MAST2: variants seen among roughly 807,000 people sequenced by gnomAD.
MAST2 encodes the protein microtubule-associated serine/threonine-protein kinase 2.
A neutral mutation model predicts 147.4 loss-of-function variants in MAST2; 70 were observed. The ratio of observed to expected loss-of-function variants is 0.47; its 90% CI spans 0.39 to 0.58. The LOEUF (loss-of-function observed/expected upper bound fraction) is 0.58. MAST2 is among the 20% of genes least tolerant of loss of function. The pLI is 0.00. For synonymous variants in MAST2, 869 were observed against 896.8 expected, an observed-to-expected ratio of 0.97 and a Z score of 0.55; for missense variants, 2,080 against 2,302.3, an observed-to-expected ratio of 0.90 and a Z score of 1.98.
intron 16 of MAST2, 80 bp from the exon 17 acceptor site, chr1:46,027,651 G>T: frequency 6.8e-7 from 1 of 1,479,560 alleles, no homozygotes; most frequent in Non-Finnish European, 9.2e-7. Context: ...AGCCTGAGTG[G>T]GGAAACTGGG....
chr1:45,956,286 TG>T (rs1307238873), intron 4 of MAST2, among the ~76,000 whole-genome samples: 5 of 152,192 alleles, frequency 3.3e-5, no homozygotes, highest in South Asian at 2.1e-4. Context: ...ACTTCAAACC[TG>T]CCAATCATTG....
chr1:45,811,726 C>T (rs184068294), intron 1 of MAST2, among the ~76,000 whole-genome samples: 58 of 150,250 alleles, frequency 3.9e-4, no homozygotes, highest in Non-Finnish European at 5.2e-4. Context: ...CTCTGCCTCC[C>T]GGGTTCCCGC....
intron 4 of MAST2, among the ~76,000 whole-genome samples, chr1:45,955,892 A>T (rs930290683): frequency 6.6e-6 from 1 of 152,162 alleles, no homozygotes; most frequent in African/African-American, 2.4e-5. Context: ...ACATTTTAAA[A>T]TTTTTGTATA....
chr1:45,844,665 A>G (rs376279480), intron 3 of MAST2, among the ~76,000 whole-genome samples: 2 of 152,052 alleles, frequency 1.3e-5, no homozygotes, highest in African/African-American at 2.4e-5. Context: ...GGCTCAAGCA[A>G]TCCTGCCTCA....
At position 46,023,048 on chromosome 1, in the gene MAST2, G is replaced by A. The variant is rs911814235; in HGVS notation, c.1485+77G>A. 4.9e-6 allele frequency: 7 copies of A among 1,420,646 alleles called. No individual in the cohort carries two copies. The highest frequency in any genetic ancestry group is 4.3e-5 in the African/African-American group (3 of 70,510). The allele number at this position is 1,420,646 out of a possible 1,614,324, so 88.0% of individuals were successfully genotyped here. A position where few individuals can be genotyped will look rare whatever the true frequency, so the allele number is the denominator to read the frequency against. Reference sequence around the variant, plus strand: ...AAAGAGCTATGAATTCTCTTTAAGAGAATATCTGAGGAAGGGATGGGGGAG... The same window carrying A: ...AAAGAGCTATGAATTCTCTTTAAGAAAATATCTGAGGAAGGGATGGGGGAG... On this transcript the variant is annotated intron_variant, in intron 13 of 28. Coordinates refer to ENST00000361297, the MANE Select transcript of MAST2 (RefSeq NM_015112.3). The surrounding 1 kb of genome is among the most constrained non-coding windows in gnomAD (Gnocchi z 4.9).
chr1:45,879,572 C>CAAAAAAAAAAAA (rs56115997), intron 3 of MAST2, among the ~76,000 whole-genome samples: 1 of 101,708 alleles, frequency 9.8e-6, no homozygotes, highest in Admixed American at 1.2e-4. Flanking sequence ...GACTCCATCT[C>CAAAAAAAAAAAA]AAAAAAAAAA....
chr1:45,821,989 C>T (rs901758910), intron 1 of MAST2, among the ~76,000 whole-genome samples: 14 of 143,192 alleles, frequency 9.8e-5, no homozygotes, highest in African/African-American at 1.8e-4. Context: ...CCCAGGTTCA[C>T]GCGATTCCTG....
chr1:45,835,325 A>G (rs928752648), intron 3 of MAST2, among the ~76,000 whole-genome samples: 35 of 152,150 alleles, frequency 2.3e-4, no homozygotes, highest in Non-Finnish European at 4.1e-4. Flanking sequence ...TCTGACAGGG[A>G]GAGCCATGAT....
At chr1:45,841,189 A>C (rs1055622268) in intron 3 of MAST2, among the ~76,000 whole-genome samples, 1 of 152,028 alleles carries the variant, frequency 6.6e-6, no homozygotes, top group Non-Finnish European at 1.5e-5. Flanking sequence ...TCTGGGCTCA[A>C]CCAATCCTCC....
chr1:45,882,004 G>A (rs1300498869), intron 3 of MAST2, among the ~76,000 whole-genome samples: 90 of 96,546 alleles, frequency 9.3e-4, no homozygotes, highest in Non-Finnish European at 6.2e-4. Flanking sequence ...GTGAAACCCC[G>A]TCTCTACTAA....
At chr1:45,844,460 T>A (rs1298016655) in intron 3 of MAST2, among the ~76,000 whole-genome samples, 1 of 152,064 alleles carries the variant, frequency 6.6e-6, no homozygotes, top group Non-Finnish European at 1.5e-5. Flanking sequence ...TTTTTTGTAT[T>A]TTTAGTAGAG....
At chr1:45,828,941 A>T (rs913622334) in intron 2 of MAST2, among the ~76,000 whole-genome samples, 3 of 151,886 alleles carry the variant, frequency 2.0e-5, no homozygotes, top group African/African-American at 7.2e-5. Context: ...AAAAAAAGCC[A>T]AAAAACAAAA....
chr1:46,014,176 TTTTTTA>T (rs1645833673), intron 10 of MAST2, among the ~76,000 whole-genome samples: 1 of 149,580 alleles, frequency 6.7e-6, no homozygotes, highest in Non-Finnish European at 1.5e-5. Context: ...TATTTTTCTT[TTTTTTA>T]TTATTATTAT....
rs1310596044 is a variant in MAST2, at chr1:46,030,602, C to T, written c.2554-5C>T. ...CCATCCCCAGCGCATCCCCTGTGCC[C>T]ACAGGTGTACAGCAGCATGGAGCGG... On this transcript the variant is annotated splice_polypyrimidine_tract_variant and splice_region_variant and intron_variant, in intron 21 of 28. Transcript: ENST00000361297. 2 of 1,603,880 alleles carry T rather than the reference C, an allele frequency of 1.2e-6. No individual in the cohort carries two copies. Among genetic ancestry groups the T allele is most frequent in the Admixed American group, 3.5e-5 (2 of 57,366 alleles).
At chr1:45,988,570 G>A (rs1253378045) in intron 5 of MAST2, among the ~76,000 whole-genome samples, 2 of 152,174 alleles carry the variant, frequency 1.3e-5, no homozygotes, top group African/African-American at 4.8e-5. Context: ...AGTACTGTTT[G>A]GTAGTGGTCT....
At chr1:45,849,549 TG>T (rs1645555595) in intron 3 of MAST2, among the ~76,000 whole-genome samples, 1 of 148,502 alleles carries the variant, frequency 6.7e-6, no homozygotes, top group Non-Finnish European at 1.5e-5. Flanking sequence ...TTTTTTGAGA[TG>T]GAGTCTCTCT....
chr1:46,031,590 G>A lies in MAST2; in HGVS notation c.3187+5G>A. The stretch of plus-strand genomic sequence containing the variant: ...TCTCACTCCTCATTCCTTCGGGTGA[G>A]GCCCCTGGGGAGCTGGGATAAAACT... On this transcript the variant is annotated splice_donor_5th_base_variant and intron_variant, in intron 24 of 28. Transcript: ENST00000361297. The surrounding 1 kb of genome is among the most constrained non-coding windows in gnomAD (Gnocchi z 4.1). 1.9e-6 allele frequency: 3 copies of A among 1,606,038 alleles called. No homozygotes were observed. The highest frequency in any genetic ancestry group is 2.6e-6 in the Non-Finnish European group (3 of 1,173,632).
rs138209845 is a variant in MAST2, at chr1:45,835,244, C to T, written c.468+5663C>T. Among the ~76,000 whole-genome samples the T allele has an allele frequency of 4.7e-3, 710 of 152,110 alleles. 5 individuals carry two copies. The highest frequency in any genetic ancestry group is 7.4e-3 in the Non-Finnish European group (505 of 67,950). On this transcript the variant is annotated intron_variant, in intron 3 of 28. Coordinates refer to ENST00000361297, the MANE Select transcript of MAST2 (RefSeq NM_015112.3). ...CTACATACTCAAATTTTCAATCTTT[C>T]GCATCACATTAACAAAGTTATCAGG...
chr1:45,964,994 A>G (rs1357320121), intron 5 of MAST2, among the ~76,000 whole-genome samples: 1 of 152,056 alleles, frequency 6.6e-6, no homozygotes, highest in Non-Finnish European at 1.5e-5. Context: ...GTCATTCAGG[A>G]GCAGGTTGTT....
Sources: allele counts gnomAD v4.1 joint callset (sites outside exome capture counted in the v4.1 genomes callset), GRCh38; gene constraint gnomAD v4.1.1; non-coding constraint Gnocchi (gnomAD v3.1); transcripts MANE v1.5; gene names NCBI Gene and HGNC (gene_info 2026-07-23, HGNC 2026-07-21).